Variants in NPAS3 observed in about 807,000 individuals in gnomAD.
The protein encoded by NPAS3 is neuronal PAS domain-containing protein 3.
Under a neutral mutation model 73.1 loss-of-function variants are expected in NPAS3, and 14 were observed. That is an observed-to-expected ratio of 0.19 (90% CI 0.13 to 0.30). NPAS3 has a LOEUF of 0.30. Among genes scored for constraint, NPAS3 ranks in the 10% least tolerant of loss-of-function variants. NPAS3 has a pLI of 1.00. For missense variants in NPAS3, 1,096 were observed against 1,250.0 expected, an observed-to-expected ratio of 0.88 and a Z score of 1.86; for synonymous variants, 620 against 541.5, an observed-to-expected ratio of 1.14 and a Z score of -2.01.
chr14:33,698,703 T>G (rs1237637937), intron 6 of NPAS3, among the ~76,000 whole-genome samples: 2 of 152,216 alleles, frequency 1.3e-5, no homozygotes, highest in African/African-American at 2.4e-5. Flanking sequence ...CAAAGGAAAC[T>G]GAAATATTCC....
chr14:33,375,561 G>T (rs757341604), intron 4 of NPAS3, among the ~76,000 whole-genome samples: 3 of 152,064 alleles, frequency 2.0e-5, no homozygotes, highest in African/African-American at 7.2e-5. Context: ...GAACAAAAAA[G>T]AGGAACACAC....
chr14:33,119,512 C>CT (rs2043166070), intron 2 of NPAS3, among the ~76,000 whole-genome samples: 1 of 152,044 alleles, frequency 6.6e-6, no homozygotes, highest in Non-Finnish European at 1.5e-5. Context: ...GAATGAATTG[C>CT]TTTTGTTTAG....
At chr14:33,223,480 T>C (rs1041003029) in intron 3 of NPAS3, among the ~76,000 whole-genome samples, 14 of 152,288 alleles carry the variant, frequency 9.2e-5, no homozygotes, top group Non-Finnish European at 7.4e-5. Context: ...CAATACATAA[T>C]GGTATGACAG....
chr14:33,351,091 TA>T (rs1414228453), intron 3 of NPAS3, among the ~76,000 whole-genome samples: 1 of 152,216 alleles, frequency 6.6e-6, no homozygotes, highest in East Asian at 1.9e-4. Context: ...GAGGCTTTGT[TA>T]AAAGCCTCTG....
intron 2 of NPAS3, among the ~76,000 whole-genome samples, chr14:33,126,945 T>C (rs1034923881): frequency 4.6e-5 from 7 of 152,162 alleles, no homozygotes; most frequent in Non-Finnish European, 8.8e-5. Context: ...AAATAAAATA[T>C]ATATCTCTCA....
intron 2 of NPAS3, among the ~76,000 whole-genome samples, chr14:33,108,187 T>C (rs1046687259): frequency 7.8e-6 from 1 of 128,830 alleles, no homozygotes; most frequent in Admixed American, 1.0e-4. Context: ...CATCTATTTA[T>C]TGTTCTGATT....
intron 4 of NPAS3, among the ~76,000 whole-genome samples, chr14:33,378,868 C>G (rs537802579): frequency 6.6e-6 from 1 of 152,208 alleles, no homozygotes; most frequent in East Asian, 1.9e-4. Flanking sequence ...TAAGAATGGC[C>G]AAATTATTTG....
chr14:33,211,256 G>A (rs902716405), intron 2 of NPAS3, among the ~76,000 whole-genome samples: 1 of 152,166 alleles, frequency 6.6e-6, no homozygotes, highest in African/African-American at 2.4e-5. Flanking sequence ...AGGCTGGCTA[G>A]CTTCACAATC....
chr14:33,668,441 C>A (rs1253789858), intron 5 of NPAS3, among the ~76,000 whole-genome samples: 1 of 152,158 alleles, frequency 6.6e-6, no homozygotes. Flanking sequence ...AATAAAATTA[C>A]TTTGTAGCTT....
At chr14:33,002,721 A>C (rs532447328) in intron 1 of NPAS3, among the ~76,000 whole-genome samples, 1 of 152,236 alleles carries the variant, frequency 6.6e-6, no homozygotes, top group African/African-American at 2.4e-5. Flanking sequence ...GATGGTAGCA[A>C]ATTGGGAATG....
intron 3 of NPAS3, among the ~76,000 whole-genome samples, chr14:33,362,776 C>T (rs2045665004): frequency 6.6e-6 from 1 of 152,148 alleles, no homozygotes; most frequent in Non-Finnish European, 1.5e-5. Context: ...GTACTGCCCT[C>T]CACCTTATGG....
At chr14:33,351,186 T>C (rs2045030891) in intron 3 of NPAS3, among the ~76,000 whole-genome samples, 2 of 152,236 alleles carry the variant, frequency 1.3e-5, no homozygotes, top group South Asian at 2.1e-4. Flanking sequence ...GATTGCCTCA[T>C]GTTATAACTG....
At chr14:33,442,765 A>C (rs7156301) in intron 4 of NPAS3, among the ~76,000 whole-genome samples, 3 of 152,084 alleles carry the variant, frequency 2.0e-5, no homozygotes, top group Admixed American at 6.5e-5. Context: ...ATGCAGTCTC[A>C]GGTATGTCCT....
At chr14:33,441,350 A>T (rs1176946718) in intron 4 of NPAS3, among the ~76,000 whole-genome samples, 1 of 152,136 alleles carries the variant, frequency 6.6e-6, no homozygotes, top group African/African-American at 2.4e-5. Context: ...TCAATAATCC[A>T]TGTATATTCT....
chr14:33,381,875 C>T (rs901890691), intron 4 of NPAS3, among the ~76,000 whole-genome samples: 1 of 152,066 alleles, frequency 6.6e-6, no homozygotes, highest in Non-Finnish European at 1.5e-5. Context: ...GTTTGCTGAC[C>T]ATTTTGTTGT....
intron 3 of NPAS3, among the ~76,000 whole-genome samples, chr14:33,260,513 A>G (rs557434765): frequency 6.6e-6 from 1 of 152,298 alleles, no homozygotes; most frequent in Admixed American, 6.5e-5. Context: ...TTTTCTTCCA[A>G]GTAGATTGCC....
At chr14:33,228,510 T>C (rs2047720550) in intron 3 of NPAS3, among the ~76,000 whole-genome samples, 1 of 152,228 alleles carries the variant, frequency 6.6e-6, no homozygotes, top group South Asian at 2.1e-4. Context: ...TTTGGCTTAA[T>C]AGATATAATC....
At chr14:33,145,846 G>A (rs2044220057) in intron 2 of NPAS3, among the ~76,000 whole-genome samples, 1 of 152,000 alleles carries the variant, frequency 6.6e-6, no homozygotes. Context: ...TATAACCCAA[G>A]GGTTTCCATG....
chr14:32,962,322 A>C (rs559780927), intron 1 of NPAS3, among the ~76,000 whole-genome samples: 44 of 152,310 alleles, frequency 2.9e-4, no homozygotes, highest in African/African-American at 1.0e-3. Flanking sequence ...CTACTGATTT[A>C]TTTCAAACTG....
Sources: gnomAD v4.1 joint callset for allele counts (sites outside exome capture counted in the v4.1 genomes callset) on GRCh38, gnomAD v4.1.1 for gene constraint, MANE v1.5 for transcripts, NCBI Gene and HGNC (gene_info 2026-07-23, HGNC 2026-07-21) for gene names.